Variants in DHRS9 observed in about 807,000 individuals in gnomAD.
DHRS9 encodes the protein dehydrogenase/reductase SDR family member 9.
A neutral mutation model predicts 26.6 loss-of-function variants in DHRS9; 18 were observed. The ratio of observed to expected loss-of-function variants is 0.68; its 90% CI spans 0.47 to 1.00. The LOEUF (loss-of-function observed/expected upper bound fraction) is 1.00. Ranked by LOEUF, DHRS9 falls within the 50% of genes least tolerant of loss-of-function variation. The probability of loss-of-function intolerance (pLI) is 0.00; values close to 1 mark genes in which losing one functional copy is unlikely to be tolerated. For missense variants in DHRS9, 425 were observed against 378.7 expected, an observed-to-expected ratio of 1.12 and a Z score of -1.01; for synonymous variants, 134 against 141.1, an observed-to-expected ratio of 0.95 and a Z score of 0.36.
Position 169,081,680 on chromosome 2 carries a change from T to C in DHRS9, c.99T>C (p.Phe33=), listed in dbSNP as rs376327464. The part of the protein sequence containing the change: ...KIEDITDKYI[F]ITGCDSGFGN... ...AAGACATCACTGATAAGTACATTTT[T>C]ATCACTGGATGTGACTCGGGCTTTG... The change falls in exon 2 of 5, where the codon TTT becomes TTC. Residue 33 remains phenylalanine (F), a synonymous_variant. Transcript: ENST00000674881. The C allele has an allele frequency of 2.8e-5, 46 of 1,614,206 alleles. No individual in the cohort carries two copies. The highest frequency in any genetic ancestry group is 3.7e-5 in the Non-Finnish European group (44 of 1,180,030).
In DHRS9 at chr2:169,091,822, C is replaced by T. The variant is rs776765324; in HGVS notation, c.605C>T (p.Ser202Leu). 9 of 1,613,848 alleles carry T rather than the reference C, an allele frequency of 5.6e-6. No homozygotes were observed. Among genetic ancestry groups the T allele is most frequent in the African/African-American group, 1.3e-5 (1 of 75,012 alleles). Residue 202 changes from serine to leucine, a missense_variant, in exon 4 of 5, where the codon TCA (serine) becomes TTA (leucine). Physicochemically the swap from Ser to Leu is moderately radical, Grantham distance 145. Coordinates refer to ENST00000674881, the MANE Select transcript of DHRS9 (RefSeq NM_001376924.1). ...ATGAAAGCTTTTGGTGTGCACGTCT[C>T]ATGCATTGAACCAGGATTGTTCAAA... is the stretch of plus-strand genomic sequence containing the variant. Reference protein sequence around the residue: ...RDMKAFGVHVSCIEPGLFKTN... With the variant: ...RDMKAFGVHVLCIEPGLFKTN...
At chr2:169,074,737 C>T (rs1157943496) in intron 1 of DHRS9, among the ~76,000 whole-genome samples, 1 of 67,986 alleles carries the variant, frequency 1.5e-5, no homozygotes, top group African/African-American at 1.1e-4. Context: ...TTGATTTAGT[C>T]GAGTGATCTA....
chr2:169,083,712 G>T, intron 3 of DHRS9, 125 bp downstream of exon 3: 1 of 1,095,066 alleles, frequency 9.1e-7, no homozygotes, highest in Non-Finnish European at 1.3e-6. Context: ...ATTTTTGTGG[G>T]TACATAGTAG....
At position 169,083,683 on chromosome 2, in the gene DHRS9, T is replaced by C. The variant is rs1032802811; in HGVS notation, c.572+96T>C. The C allele has an allele frequency of 5.7e-6, 8 of 1,413,596 alleles. No homozygotes were observed. The African/African-American group carries it at 1.2e-4, about 20-fold the overall frequency. The allele number at this position is 1,413,596 out of a possible 1,614,324, so 87.6% of individuals were successfully genotyped here. On this transcript the variant is annotated intron_variant, in intron 3 of 4. Transcript: ENST00000674881. Reference sequence around the variant, plus strand: ...ATCCTATTTAGTACCTTTCAAAAAGTCTACCATATTTATCTCTAATTTTTG... The same window carrying C: ...ATCCTATTTAGTACCTTTCAAAAAGCCTACCATATTTATCTCTAATTTTTG...
chr2:169,092,805 C>T (rs376427915), intron 4 of DHRS9, among the ~76,000 whole-genome samples: 9 of 152,274 alleles, frequency 5.9e-5, no homozygotes, highest in African/African-American at 2.2e-4. Context: ...TAAATATTTA[C>T]TATGTACTTG....
upstream of DHRS9, among the ~76,000 whole-genome samples, chr2:169,069,005 G>T (rs995187022): frequency 6.6e-6 from 1 of 152,116 alleles, no homozygotes; most frequent in Admixed American, 6.5e-5. Context: ...TATTCTCAGC[G>T]GTCTCAGTTC....
intron 1 of DHRS9, among the ~76,000 whole-genome samples, chr2:169,079,883 A>AAG (rs1247432554): frequency 2.5e-5 from 2 of 80,836 alleles, no homozygotes; most frequent in Admixed American, 2.5e-4. Flanking sequence ...GAAAGAAAGA[A>AAG]AGAGAGAGAG....
At chr2:169,092,453 C>A (rs1684560107) in intron 4 of DHRS9, among the ~76,000 whole-genome samples, 1 of 152,232 alleles carries the variant, frequency 6.6e-6, no homozygotes, top group Admixed American at 6.5e-5. Context: ...CAAGAAGTAA[C>A]CAAGCGAGAA....
chr2:169,095,913 C>G lies in DHRS9; in HGVS notation c.*146C>G. The stretch of plus-strand genomic sequence containing the variant: ...GGATTGCAAAAGGGAGTCCCACCAT[C>G]GCTGGTGGTATCCCAGGGTCCCTGC... On this transcript the variant is annotated 3_prime_UTR_variant, in exon 5 of 5. Transcript: ENST00000674881. The G allele has an allele frequency of 1.4e-6, 1 of 732,220 alleles. No homozygotes were observed. The highest frequency in any genetic ancestry group is 2.3e-6 in the Non-Finnish European group (1 of 441,390). The allele number at this position is 732,220 out of a possible 1,614,324, so 45.4% of individuals were successfully genotyped here. A position where few individuals can be genotyped will look rare whatever the true frequency, so the allele number is the denominator to read the frequency against.
At chr2:169,089,782 G>A (rs1020917207) in intron 3 of DHRS9, among the ~76,000 whole-genome samples, 3 of 152,090 alleles carry the variant, frequency 2.0e-5, no homozygotes, top group Non-Finnish European at 2.9e-5. Context: ...GAATCACCTG[G>A]GGATCTTTTC....
At chr2:169,094,236 A>C (rs1484291539) in intron 4 of DHRS9, among the ~76,000 whole-genome samples, 2 of 152,124 alleles carry the variant, frequency 1.3e-5, no homozygotes, top group African/African-American at 2.4e-5. Context: ...TCTTCTTTTG[A>C]GAAAAGTCTG....
Position 169,095,543 on chromosome 2 carries a change from G to C in DHRS9, c.737-1G>C, listed in dbSNP as rs144812455. 1,704 of 1,612,034 alleles carry C rather than the reference G, an allele frequency of 1.1e-3. 10 individuals are homozygous for C. Among genetic ancestry groups the C allele is most frequent in the Non-Finnish European group, 1.2e-3 (1,433 of 1,178,430 alleles). The stretch of plus-strand genomic sequence containing the variant: ...GTAAATGTACTTTTGTCTCTTTTTA[G>C]GTCTAGACAAACTGAAAGGCAATAA... On this transcript the variant is annotated splice_acceptor_variant, in intron 4 of 4. Coordinates refer to ENST00000674881, the MANE Select transcript of DHRS9 (RefSeq NM_001376924.1). LOFTEE classifies it high-confidence loss of function.
chr2:169,075,713 G>A (rs185601240), intron 1 of DHRS9, among the ~76,000 whole-genome samples: 1 of 152,094 alleles, frequency 6.6e-6, no homozygotes, highest in Non-Finnish European at 1.5e-5. Flanking sequence ...TGACTTTGAT[G>A]TTTTTGAAGA....
intron 1 of DHRS9, chr2:169,070,340 G>T (rs1574016720): frequency 2.0e-6 from 2 of 985,260 alleles, no homozygotes; most frequent in African/African-American, 1.7e-5. Context: ...ATGATCCGGT[G>T]GTTTGGTTTT....
Position 169,083,584 on chromosome 2 carries a change from T to G in DHRS9, c.569T>G (p.Leu190Ter). 1 of 1,613,124 alleles carries G rather than the reference T, an allele frequency of 6.2e-7. No individual in the cohort carries two copies. The highest frequency in any genetic ancestry group is 8.5e-7 in the Non-Finnish European group (1 of 1,179,246). Residue 190 changes from leucine (L) to a stop codon, truncating the protein, a stop_gained, in exon 3 of 5, where the codon TTA (leucine) becomes TGA (stop). Transcript: ENST00000674881. LOFTEE classifies it high-confidence loss of function. ...KYAVEGFNDS[L>*]RRDMKAFGVH... ...GCAGTGGAAGGTTTCAATGACAGCT[T>G]AAGGTAAATCAAATTAATCAACTTA...
At chr2:169,089,540 T>G (rs1334034932) in intron 3 of DHRS9, among the ~76,000 whole-genome samples, 1 of 152,240 alleles carries the variant, frequency 6.6e-6, no homozygotes, top group South Asian at 2.1e-4. Context: ...TTTCCTTTGA[T>G]TCATCCATTT....
rs764197242 is a variant in DHRS9, at chr2:169,091,821, T to C, written c.604T>C (p.Ser202Pro). The change falls in exon 4 of 5, where the codon TCA becomes CCA. Residue 202 changes from serine to proline, a missense_variant. Coordinates refer to ENST00000674881, the MANE Select transcript of DHRS9 (RefSeq NM_001376924.1). ...RDMKAFGVHV[S>P]CIEPGLFKTN... ...CATGAAAGCTTTTGGTGTGCACGTC[T>C]CATGCATTGAACCAGGATTGTTCAA... 1 of 1,613,888 alleles carries C rather than the reference T, an allele frequency of 6.2e-7. No homozygotes were observed. Among genetic ancestry groups the C allele is most frequent in the Non-Finnish European group, 8.5e-7 (1 of 1,179,862 alleles).
rs1684667380 is a variant in DHRS9, at chr2:169,095,569, A to G, written c.762A>G (p.Lys254=). 1 of 1,613,564 alleles carries G rather than the reference A, an allele frequency of 6.2e-7. No homozygotes were observed. The highest frequency in any genetic ancestry group is 1.7e-4 in the Middle Eastern group (1 of 6,054). The change falls in exon 5 of 5, where the codon AAA becomes AAG. Residue 254 remains lysine, a synonymous_variant. Transcript: ENST00000674881. ...EKSLDKLKGN[K]SYVNMDLSPV... is the part of the protein sequence containing the mutation. ...GTCTAGACAAACTGAAAGGCAATAA[A>G]TCCTATGTGAACATGGACCTCTCTC...
At chr2:169,071,626 T>A (rs1683807174) in intron 1 of DHRS9, among the ~76,000 whole-genome samples, 2 of 152,068 alleles carry the variant, frequency 1.3e-5, no homozygotes, top group Non-Finnish European at 2.9e-5. Flanking sequence ...CAAAGCACAG[T>A]CTGGCTGCCA....
Sources: gnomAD v4.1 joint callset for allele counts (sites outside exome capture counted in the v4.1 genomes callset) on GRCh38, gnomAD v4.1.1 for gene constraint, MANE v1.5 for transcripts, NCBI Gene and HGNC (gene_info 2026-07-23, HGNC 2026-07-21) for gene names.